The following CACNA1C variants were observed in gnomAD, a reference collection of about 807,000 sequenced individuals.
The protein encoded by CACNA1C is calcium voltage-gated channel subunit alpha1 C, also known as voltage-dependent L-type calcium channel subunit alpha-1C.
Under a neutral mutation model 229.0 loss-of-function variants are expected in CACNA1C, and 30 were observed. The ratio of observed to expected loss-of-function variants is 0.13; its 90% CI spans 0.10 to 0.18. CACNA1C has a LOEUF of 0.18. CACNA1C is among the 10% of genes least tolerant of loss of function. The pLI is 1.00. For synonymous variants in CACNA1C, 1,114 were observed against 1,132.5 expected, an observed-to-expected ratio of 0.98 and a Z score of 0.33; for missense variants, 1,658 against 2,845.0, an observed-to-expected ratio of 0.58 and a Z score of 9.49.
In CACNA1C at chr12:2,578,104, G is replaced by T. The variant is rs549389931; in HGVS notation, c.1896-3486G>T. 2.0e-5 allele frequency among the ~76,000 whole-genome samples: 3 copies of T among 152,066 alleles called. No homozygotes were observed. The East Asian group carries it at 5.8e-4, about 29-fold the overall frequency. ...AGGATGGTCTCGATCTCCTGACCTC[G>T]TGATCCGCCCGCCTCGGCCTCCCAA... On this transcript the variant is annotated intron_variant, in intron 13 of 46. Transcript: ENST00000399655.
chr12:2,652,987 G>A (rs754846252), intron 32 of CACNA1C, among the ~76,000 whole-genome samples: 5 of 152,364 alleles, frequency 3.3e-5, no homozygotes, highest in African/African-American at 4.8e-5. Flanking sequence ...GGCAGCTGGC[G>A]CCTGCTCTGA....
At chr12:2,316,299 A>C (rs761971649) in intron 3 of CACNA1C, among the ~76,000 whole-genome samples, 2 of 152,248 alleles carry the variant, frequency 1.3e-5, no homozygotes, top group African/African-American at 4.8e-5. Context: ...CTTGGTTTCC[A>C]CATCTGTAAA....
intron 8 of CACNA1C, among the ~76,000 whole-genome samples, chr12:2,508,929 C>T (rs1473111530): frequency 1.3e-5 from 2 of 152,144 alleles, no homozygotes; most frequent in Non-Finnish European, 2.9e-5. Flanking sequence ...AATCTCCAGT[C>T]GACTAGAATA....
intron 8 of CACNA1C, among the ~76,000 whole-genome samples, chr12:2,508,871 C>A (rs2099777438): frequency 6.6e-6 from 1 of 152,166 alleles, no homozygotes; most frequent in Admixed American, 6.5e-5. Context: ...AGGACTGGTG[C>A]TCTTATGGAT....
intron 1 of CACNA1C, among the ~76,000 whole-genome samples, chr12:2,037,977 G>A (rs1327276319): frequency 2.0e-5 from 3 of 151,886 alleles, no homozygotes; most frequent in Admixed American, 2.0e-4. Flanking sequence ...TGTAAAGCAG[G>A]TGAGGCTTCT....
At chr12:2,166,862 G>T (rs551243186) in intron 3 of CACNA1C, among the ~76,000 whole-genome samples, 2 of 152,216 alleles carry the variant, frequency 1.3e-5, no homozygotes, top group Admixed American at 6.5e-5. Flanking sequence ...GCAGGCTTCT[G>T]AGTGTGGGAG....
At chr12:2,158,892 C>T (rs769142976) in intron 3 of CACNA1C, among the ~76,000 whole-genome samples, 1 of 152,056 alleles carries the variant, frequency 6.6e-6, no homozygotes, top group Non-Finnish European at 1.5e-5. Context: ...TGAGAGGGGG[C>T]CCTTCATAGT....
chr12:2,373,679 A>C (rs1462510833), intron 3 of CACNA1C, among the ~76,000 whole-genome samples: 1 of 152,230 alleles, frequency 6.6e-6, no homozygotes, highest in Non-Finnish European at 1.5e-5. Context: ...GTATTTCAGA[A>C]GGGAAACAAC....
chr12:2,228,199 A>C (rs2063596080), intron 3 of CACNA1C, among the ~76,000 whole-genome samples: 1 of 152,220 alleles, frequency 6.6e-6, no homozygotes, highest in African/African-American at 2.4e-5. Context: ...CACCTTACAC[A>C]GGGAACTCCC....
At chr12:2,212,819 G>A (rs1599308969) in intron 3 of CACNA1C, among the ~76,000 whole-genome samples, 1 of 152,136 alleles carries the variant, frequency 6.6e-6, no homozygotes, top group African/African-American at 2.4e-5. Context: ...GGAGCTTACA[G>A]TCTGGTGGGA....
upstream of CACNA1C, among the ~76,000 whole-genome samples, chr12:2,049,750 A>G (rs1345455310): frequency 6.6e-6 from 1 of 152,220 alleles, no homozygotes; most frequent in African/African-American, 2.4e-5. Flanking sequence ...ATTCAATGAC[A>G]GAGAAATGCA....
intron 1 of CACNA1C, among the ~76,000 whole-genome samples, chr12:2,065,117 G>A (rs1189502688): frequency 6.6e-6 from 1 of 152,218 alleles, no homozygotes; most frequent in Non-Finnish European, 1.5e-5. Context: ...ATGTTGCACA[G>A]CATTTCTCCA....
rs1460111920 is a variant in CACNA1C, at chr12:2,390,829, T to C, written c.478-58147T>C. ...CTGGAGGCATCATTCATTCTGTGCA[T>C]TTGTGATCTCTTTTTGCGTGAGTGC... is the stretch of plus-strand genomic sequence containing the variant. On this transcript the variant is annotated intron_variant, in intron 3 of 46. Transcript: ENST00000399655. 2.6e-5 allele frequency among the ~76,000 whole-genome samples: 4 copies of C among 152,210 alleles called. No homozygotes were observed. In the East Asian group the frequency reaches 7.7e-4, roughly 29 times the overall value.
intron 34 of CACNA1C, among the ~76,000 whole-genome samples, chr12:2,655,547 C>T (rs1490141837): frequency 1.3e-5 from 2 of 152,230 alleles, no homozygotes; most frequent in Non-Finnish European, 2.9e-5. Flanking sequence ...TGCCGACACG[C>T]TTTGTGACCT....
intron 3 of CACNA1C, among the ~76,000 whole-genome samples, chr12:2,332,530 AT>A (rs1442931629): frequency 6.6e-6 from 1 of 152,252 alleles, no homozygotes; most frequent in Admixed American, 6.5e-5. Context: ...AATCTTAAAA[AT>A]ATCCATAACT....
intron 9 of CACNA1C, among the ~76,000 whole-genome samples, chr12:2,537,669 G>A (rs2099858997): frequency 1.3e-5 from 2 of 152,182 alleles, no homozygotes; most frequent in Admixed American, 6.5e-5. Flanking sequence ...CACCACTAAT[G>A]TCCTTTTAGT....
intron 1 of CACNA1C, chr12:1,992,079 TG>T: frequency 2.7e-6 from 1 of 369,374 alleles, no homozygotes. Context: ...GTCCTGGAGT[TG>T]GAATTCCAAG....
chr12:2,610,456 A>G (rs781647626), intron 27 of CACNA1C, 85 bp from the exon 28 acceptor site: 53 of 1,387,922 alleles, frequency 3.8e-5, no homozygotes, highest in Non-Finnish European at 5.0e-5. Context: ...GTGTGGTCTC[A>G]TCACATCCCA....
intron 5 of CACNA1C, among the ~76,000 whole-genome samples, chr12:2,482,426 A>G (rs1486989304): frequency 6.6e-6 from 1 of 152,236 alleles, no homozygotes; most frequent in Non-Finnish European, 1.5e-5. Flanking sequence ...ACCACTTCCC[A>G]GCTGTGCGAC....
Sources: gnomAD v4.1 joint callset for allele counts (sites outside exome capture counted in the v4.1 genomes callset) on GRCh38, gnomAD v4.1.1 for gene constraint, MANE v1.5 for transcripts, NCBI Gene and HGNC (gene_info 2026-07-23, HGNC 2026-07-21) for gene names.